NTNG2: variants seen among roughly 807,000 people sequenced by gnomAD.
NTNG2 encodes netrin G2.
In NTNG2, 15 loss-of-function variants were observed where a neutral mutation model predicts 47.6. The observed-to-expected ratio is 0.32, with a 90% CI of 0.21 to 0.49. The LOEUF is 0.49. Among genes scored for constraint, NTNG2 ranks in the 20% least tolerant of loss-of-function variants. The pLI is 0.99. For synonymous variants in NTNG2, 307 were observed against 324.6 expected (o/e 0.95, Z 0.58); for missense variants, 578 against 764.6 (o/e 0.76, Z 2.88).
At chr9:132,190,094 G>A (rs1837754050) in intron 2 of NTNG2, among the ~76,000 whole-genome samples, 2 of 150,318 alleles carry the variant, frequency 1.3e-5, no homozygotes, top group African/African-American at 4.8e-5. Flanking sequence ...TTAGCTGGGC[G>A]TGGTGGCGGG....
At chr9:132,175,110 G>A (rs553747691) in intron 2 of NTNG2, among the ~76,000 whole-genome samples, 25 of 152,130 alleles carry the variant, frequency 1.6e-4, no homozygotes, top group African/African-American at 5.5e-4. Flanking sequence ...GTGCAGAGAC[G>A]CAGGGAAGGG....
chr9:132,236,175 G>A lies in NTNG2; in HGVS notation c.1055-2929G>A, dbSNP rs1184040712. Among the ~76,000 whole-genome samples, 1 of 152,234 alleles carries A rather than the reference G, an allele frequency of 6.6e-6. No individual in the cohort carries two copies. The highest frequency in any genetic ancestry group is 1.5e-5 in the Non-Finnish European group (1 of 68,022). On this transcript the variant is annotated intron_variant, in intron 5 of 7. Transcript: ENST00000393229. The surrounding 1 kb of genome is among the most constrained non-coding windows in gnomAD (Gnocchi z 4.3). ...GGGGGCCATGAGACCTCGGAGGGTG[G>A]ACTGTGGTGGGTGAAGGGAGAAGGC...
Position 132,215,534 on chromosome 9 carries a change from C to T in NTNG2, c.858-11315C>T, listed in dbSNP as rs1332631749. Among the ~76,000 whole-genome samples, 3 of 152,108 alleles carry T rather than the reference C, an allele frequency of 2.0e-5. No individual in the cohort carries two copies. Among genetic ancestry groups the T allele is most frequent in the Admixed American group, 6.5e-5 (1 of 15,280 alleles). ...GGTGGAGGTTGAAGTGAGCCAAGAT[C>T]GAACCACTGCACTCCGGTCTAGATG... On this transcript the variant is annotated intron_variant, in intron 3 of 7. Transcript: ENST00000393229. This position sits in a 1 kb window ranked among gnomAD's most constrained non-coding sequence, Gnocchi z 4.2.
At chr9:132,181,804 C>T (rs368721867) in intron 2 of NTNG2, among the ~76,000 whole-genome samples, 21 of 152,242 alleles carry the variant, frequency 1.4e-4, no homozygotes, top group African/African-American at 4.6e-4. Context: ...AGAATTTAAG[C>T]CACTTGCCGA....
chr9:132,166,716 C>G lies in NTNG2; in HGVS notation c.-116C>G, dbSNP rs556935298. On this transcript the variant is annotated 5_prime_UTR_variant, in exon 2 of 8. Coordinates refer to ENST00000393229, the MANE Select transcript of NTNG2 (RefSeq NM_032536.4). ...CAGTGCTCGGGTCCCTGGGACACCC[C>G]GGCCACCCTCGCCTGGTAGATGTGG... 5.6e-5 allele frequency: 54 copies of G among 959,334 alleles called. No homozygotes were observed. In the African/African-American group the frequency reaches 8.2e-4, roughly 14 times the overall value. The allele number at this position is 959,334 out of a possible 1,614,324, so 59.4% of individuals were successfully genotyped here. A position where few individuals can be genotyped will look rare whatever the true frequency, so the allele number is the denominator to read the frequency against.
chr9:132,212,039 G>T (rs920008551), intron 3 of NTNG2, among the ~76,000 whole-genome samples: 9 of 152,160 alleles, frequency 5.9e-5, no homozygotes, highest in Admixed American at 5.9e-4. Flanking sequence ...GAATATAGGC[G>T]CTAGGAGGCA....
At chr9:132,227,232 AACAC>A (rs1160629607) in intron 4 of NTNG2, among the ~76,000 whole-genome samples, 5 of 152,152 alleles carry the variant, frequency 3.3e-5, no homozygotes, top group Non-Finnish European at 2.9e-5. Flanking sequence ...CATGCACAGA[AACAC>A]ACGTGCGTGC....
At chr9:132,223,746 C>G (rs996425227) in intron 3 of NTNG2, among the ~76,000 whole-genome samples, 1 of 152,192 alleles carries the variant, frequency 6.6e-6, no homozygotes, top group African/African-American at 2.4e-5. Flanking sequence ...GGCCTCTATT[C>G]GCAGGATCTC....
intron 2 of NTNG2, among the ~76,000 whole-genome samples, chr9:132,194,719 G>A (rs1297293937): frequency 2.0e-5 from 3 of 152,248 alleles, no homozygotes; most frequent in African/African-American, 7.2e-5. Context: ...GGTTGCATAG[G>A]GGCCTGAGGA....
At position 132,230,215 on chromosome 9, in the gene NTNG2, C is replaced by A. The variant is rs552115311; in HGVS notation, c.1031-357C>A. ...TGTCCCTGTCCTGCACTGGAGGGCC[C>A]AAAAATCTGAAATAAGAGGAGGAGT... On this transcript the variant is annotated intron_variant, in intron 4 of 7. Transcript: ENST00000393229. 3.6e-4 allele frequency among the ~76,000 whole-genome samples: 55 copies of A among 152,288 alleles called. 2 individuals are homozygous for A. In the South Asian group the frequency reaches 7.3e-3, roughly 20 times the overall value.
chr9:132,223,625 G>A (rs956070482), intron 3 of NTNG2, among the ~76,000 whole-genome samples: 16 of 152,178 alleles, frequency 1.1e-4, no homozygotes, highest in African/African-American at 3.6e-4. Flanking sequence ...AGCCAAGATT[G>A]TGCCACGGCA....
At position 132,204,398 on chromosome 9, in the gene NTNG2, G is replaced by A. The variant is rs547846986; in HGVS notation, c.857+5789G>A. The stretch of plus-strand genomic sequence containing the variant: ...GATCGCCCCGTAACTGGAGATGGAC[G>A]GACACCGGACTAGAATAGAAACAGC... On this transcript the variant is annotated intron_variant, in intron 3 of 7. Transcript: ENST00000393229. Among the ~76,000 whole-genome samples, 528 of 152,178 alleles carry A rather than the reference G, an allele frequency of 3.5e-3. 16 individuals are homozygous for A. Among genetic ancestry groups the A allele is most frequent in the Non-Finnish European group, 1.7e-3 (115 of 68,002 alleles).
intron 4 of NTNG2, among the ~76,000 whole-genome samples, chr9:132,227,663 C>G (rs1038635023): frequency 6.6e-6 from 1 of 152,184 alleles, no homozygotes; most frequent in African/African-American, 2.4e-5. Flanking sequence ...GCACCAGAGT[C>G]CCCCCGCACG....
At chr9:132,190,232 C>CAAAAAAAA (rs58974463) in intron 2 of NTNG2, among the ~76,000 whole-genome samples, 1 of 69,914 alleles carries the variant, frequency 1.4e-5, no homozygotes, top group African/African-American at 5.6e-5. Context: ...GACTCCATCT[C>CAAAAAAAA]AAAAAAAAAA....
In NTNG2 at chr9:132,182,182, G is replaced by A. The variant is rs576025880; in HGVS notation, c.213+15138G>A. On this transcript the variant is annotated intron_variant, in intron 2 of 7. Transcript: ENST00000393229. The surrounding 1 kb of genome is among the most constrained non-coding windows in gnomAD (Gnocchi z 4.2). ...TATTTGGCAGCGAGCGTGCTCCCAC[G>A]CACCAGCTCTGGGGAAGGCGAGATG... Among the ~76,000 whole-genome samples the A allele has an allele frequency of 5.9e-5, 9 of 152,360 alleles. No individual in the cohort carries two copies. The East Asian group carries it at 1.2e-3, about 20-fold the overall frequency.
intron 3 of NTNG2, among the ~76,000 whole-genome samples, chr9:132,206,219 A>G (rs543556516): frequency 2.0e-5 from 3 of 152,186 alleles, no homozygotes; most frequent in African/African-American, 7.2e-5. Flanking sequence ...TCAATCATCC[A>G]TGGACTCCCT....
At chr9:132,193,268 G>C (rs1838032946) in intron 2 of NTNG2, among the ~76,000 whole-genome samples, 1 of 152,216 alleles carries the variant, frequency 6.6e-6, no homozygotes, top group Non-Finnish European at 1.5e-5. Flanking sequence ...TTAATATGAT[G>C]ATAATAATAA....
intron 3 of NTNG2, among the ~76,000 whole-genome samples, chr9:132,211,927 TTCAG>T (rs774377311): frequency 1.1e-4 from 17 of 152,306 alleles, no homozygotes; most frequent in South Asian, 2.1e-4. Context: ...CATTCATTCA[TTCAG>T]TCAGTCAGTC....
chr9:132,233,293 A>G (rs1841372369), intron 5 of NTNG2: 1 of 152,238 alleles, frequency 6.6e-6, no homozygotes, highest in Admixed American at 6.6e-5. Flanking sequence ...ATGCACACAC[A>G]CACATGCATG....
Sources: allele counts gnomAD v4.1 joint callset (sites outside exome capture counted in the v4.1 genomes callset), GRCh38; gene constraint gnomAD v4.1.1; non-coding constraint Gnocchi (gnomAD v3.1); transcripts MANE v1.5; gene names NCBI Gene and HGNC (gene_info 2026-07-23, HGNC 2026-07-21).